KLRG2: variants seen among roughly 807,000 people sequenced by gnomAD.
KLRG2 encodes the protein killer cell lectin-like receptor subfamily G member 2.
A neutral mutation model predicts 35.4 loss-of-function variants in KLRG2; 39 were observed. That is an observed-to-expected ratio of 1.10 (90% confidence interval 0.85 to 1.44). The LOEUF (loss-of-function observed/expected upper bound fraction) is 1.44, where lower values mean the gene tolerates loss of function less well. Among genes scored for constraint, KLRG2 ranks in the 40% most tolerant of loss-of-function variants. The probability of loss-of-function intolerance (pLI) is 0.00; values close to 1 mark genes in which losing one functional copy is unlikely to be tolerated. For synonymous variants in KLRG2, 283 were observed against 265.8 expected, an observed-to-expected ratio of 1.06 and a Z score of -0.63; for missense variants, 632 against 570.9, an observed-to-expected ratio of 1.11 and a Z score of -1.09.
chr7:139,461,581 C>T (rs2116441614), intron 3 of KLRG2, among the ~76,000 whole-genome samples: 1 of 152,266 alleles, frequency 6.6e-6, no homozygotes, highest in Non-Finnish European at 1.5e-5. Context: ...CCTGTTCCTG[C>T]CTTAACTGAT....
In KLRG2 at chr7:139,475,815, C is replaced by T. The variant is rs547149371; in HGVS notation, c.1005+3812G>A. 4.3e-4 allele frequency among the ~76,000 whole-genome samples: 65 copies of T among 152,230 alleles called. No individual in the cohort carries two copies. The South Asian group carries it at 0.013, about 31-fold the overall frequency. On this transcript the variant is annotated intron_variant, in intron 3 of 4. Coordinates refer to ENST00000340940, the MANE Select transcript of KLRG2 (RefSeq NM_198508.4). Reference sequence around the variant, plus strand: ...CAGAAGTTCCAGAGGCCTGGACTTGCGACGGGCGTCTGAAGCTGGGCAGCC... The same window carrying T: ...CAGAAGTTCCAGAGGCCTGGACTTGTGACGGGCGTCTGAAGCTGGGCAGCC...
chr7:139,448,101 C>T (rs1433055057), downstream of KLRG2, among the ~76,000 whole-genome samples: 1 of 152,004 alleles, frequency 6.6e-6, no homozygotes, highest in Admixed American at 6.6e-5. Context: ...CTCAAAGGAT[C>T]CTCCATCTTC....
intron 1 of KLRG2, among the ~76,000 whole-genome samples, chr7:139,481,517 C>T (rs1239103003): frequency 2.0e-5 from 3 of 152,164 alleles, no homozygotes; most frequent in Non-Finnish European, 4.4e-5. Context: ...ATCAGCCAAG[C>T]TTTTGCCAGT....
chr7:139,476,323 C>T (rs1315071843), intron 3 of KLRG2, among the ~76,000 whole-genome samples: 1 of 152,168 alleles, frequency 6.6e-6, no homozygotes, highest in Non-Finnish European at 1.5e-5. Context: ...AAAAGGCATA[C>T]TGAGGATGCA....
rs1796404026 is a variant in KLRG2, at chr7:139,453,466, G to A, written c.*121C>T. On this transcript the variant is annotated 3_prime_UTR_variant, in exon 5 of 5. Transcript: ENST00000340940. ...CTAGGCTCGCTCATGTGGCCCCCTT[G>A]AGCAGAGCATGAAGACCTGGATAAC... 1.9e-6 allele frequency: 2 copies of A among 1,054,506 alleles called. No individual in the cohort carries two copies. The highest frequency in any genetic ancestry group is 1.4e-6 in the Non-Finnish European group (1 of 734,324). 65.3% of individuals were successfully genotyped at this position (1,054,506 alleles called of 1,614,324 possible).
At chr7:139,437,425 CAAAAAAAAAA>C in the KLRG2 span, among the ~76,000 whole-genome samples, 92 of 73,226 alleles carry the variant, frequency 1.3e-3, no homozygotes, top group Non-Finnish European at 1.0e-3. Flanking sequence ...ACTCCATCTC[CAAAAAAAAAA>C]AAAAAAAAAA....
At chr7:139,446,998 C>T in the KLRG2 span, among the ~76,000 whole-genome samples, 14 of 151,748 alleles carry the variant, frequency 9.2e-5, no homozygotes, top group South Asian at 2.1e-4. Flanking sequence ...ACAGCCTCTT[C>T]GGGTTGGTCC....
chr7:139,447,790 A>ATAACAC (rs1371397255), downstream of KLRG2, among the ~76,000 whole-genome samples: 8 of 152,074 alleles, frequency 5.3e-5, no homozygotes, highest in Non-Finnish European at 8.8e-5. Flanking sequence ...ACACAGCTCC[A>ATAACAC]AGAATGTAAT....
At chr7:139,450,467 C>T (rs1395168661), downstream of KLRG2, among the ~76,000 whole-genome samples, 1 of 152,086 alleles carries the variant, frequency 6.6e-6, no homozygotes, top group African/African-American at 2.4e-5. Context: ...TTGTGATCTG[C>T]CCACCGTGGC....
intron 3 of KLRG2, among the ~76,000 whole-genome samples, chr7:139,475,562 G>A (rs1220911407): frequency 6.6e-6 from 1 of 151,192 alleles, no homozygotes; most frequent in Admixed American, 6.6e-5. Context: ...TCCCCGTGCT[G>A]GGGGGGTGGC....
At position 139,454,090 on chromosome 7, in the gene KLRG2, GA is replaced by G; in HGVS notation, c.1109+20del. ...AGGATCCAGAACAGCAGAGGAGGGA[GA>G]AAAGCCCGTGGTCACTCACAGCTGG... is the stretch of plus-strand genomic sequence containing the variant. On this transcript the variant is annotated intron_variant, in intron 4 of 4. Transcript: ENST00000340940. 7.3e-7 allele frequency: 1 copy of G among 1,378,984 alleles called. No homozygotes were observed. The highest frequency in any genetic ancestry group is 1.0e-6 in the Non-Finnish European group (1 of 991,194). 85.4% of individuals were successfully genotyped at this position (1,378,984 alleles called of 1,614,324 possible).
chr7:139,438,372 G>A, the KLRG2 span, among the ~76,000 whole-genome samples: 1 of 152,118 alleles, frequency 6.6e-6, no homozygotes. Context: ...ACAGACATGT[G>A]CCACCATTCC....
chr7:139,469,082 A>G (rs1389411318), intron 3 of KLRG2, among the ~76,000 whole-genome samples: 1 of 152,252 alleles, frequency 6.6e-6, no homozygotes, highest in African/African-American at 2.4e-5. Flanking sequence ...CAGGACTGTG[A>G]GAAAGTCAGC....
At chr7:139,438,899 T>C in the KLRG2 span, among the ~76,000 whole-genome samples, 2 of 147,520 alleles carry the variant, frequency 1.4e-5, no homozygotes, top group African/African-American at 5.0e-5. Flanking sequence ...GGTCTCAAAC[T>C]CCCAACCTCA....
chr7:139,462,565 C>T (rs1796586397), intron 3 of KLRG2, among the ~76,000 whole-genome samples: 1 of 152,168 alleles, frequency 6.6e-6, no homozygotes, highest in Non-Finnish European at 1.5e-5. Context: ...GAACTCAAAA[C>T]CTCTTCAACT....
At chr7:139,456,084 T>G (rs939873192) in intron 3 of KLRG2, among the ~76,000 whole-genome samples, 2 of 152,114 alleles carry the variant, frequency 1.3e-5, no homozygotes, top group Admixed American at 1.3e-4. Flanking sequence ...GAAGCACATA[T>G]TCACACTGAG....
intron 3 of KLRG2, among the ~76,000 whole-genome samples, chr7:139,475,055 C>A (rs1355475998): frequency 6.6e-6 from 1 of 152,198 alleles, no homozygotes; most frequent in Non-Finnish European, 1.5e-5. Flanking sequence ...ACAGGCCTCG[C>A]TGGGTTTCCT....
chr7:139,456,155 G>C (rs1796473893), intron 3 of KLRG2, among the ~76,000 whole-genome samples: 1 of 152,138 alleles, frequency 6.6e-6, no homozygotes, highest in Non-Finnish European at 1.5e-5. Context: ...TCTTCCCTAA[G>C]AAAATGGTTT....
chr7:139,469,712 G>A (rs535160543), intron 3 of KLRG2, among the ~76,000 whole-genome samples: 325 of 152,334 alleles, frequency 2.1e-3, no homozygotes, highest in Non-Finnish European at 3.6e-3. Context: ...CCAAAGTGCT[G>A]GGATTACAGG....
Sources: gnomAD v4.1 joint callset for allele counts (sites outside exome capture counted in the v4.1 genomes callset) on GRCh38, gnomAD v4.1.1 for gene constraint, MANE v1.5 for transcripts, NCBI Gene and HGNC (gene_info 2026-07-23, HGNC 2026-07-21) for gene names.